HSPH1: variants seen among roughly 807,000 people sequenced by gnomAD.
The protein encoded by HSPH1 is heat shock protein family H (Hsp110) member 1, also known as heat shock protein 105 kDa.
In HSPH1, 40 loss-of-function variants were observed where a neutral mutation model predicts 100.0. The ratio of observed to expected loss-of-function variants is 0.40; its 90% CI spans 0.31 to 0.52. The LOEUF (loss-of-function observed/expected upper bound fraction) is 0.52. Among genes scored for constraint, HSPH1 ranks in the 20% least tolerant of loss-of-function variants. HSPH1 has a pLI of 0.54. For synonymous variants in HSPH1, 403 were observed against 344.0 expected (o/e 1.17, Z -1.90); for missense variants, 876 against 1,015.1 (o/e 0.86, Z 1.86).
Position 31,161,815 on chromosome 13 carries a change from C to G in HSPH1, c.-233G>C. The G allele has an allele frequency of 1.4e-6, 2 of 1,480,164 alleles. No individual in the cohort carries two copies. Among genetic ancestry groups the G allele is most frequent in the Non-Finnish European group, 1.8e-6 (2 of 1,116,756 alleles). The allele number at this position is 1,480,164 out of a possible 1,614,324, so 91.7% of individuals were successfully genotyped here. ...TAAGAAACCCTGGGAGAAAGCGGGGCTCAGCCTCCGCAGGTCGCTCCGCAC... is the reference window on the plus strand; with the variant it reads ...TAAGAAACCCTGGGAGAAAGCGGGGGTCAGCCTCCGCAGGTCGCTCCGCAC... On this transcript the variant is annotated 5_prime_UTR_variant, in exon 1 of 18. Transcript: ENST00000320027.
chr13:31,162,178 TA>T, upstream of HSPH1: 1 of 1,225,906 alleles, frequency 8.2e-7, no homozygotes, highest in African/African-American at 1.5e-5. Flanking sequence ...TTTGCTGCCC[TA>T]ATAAAACAGG....
At chr13:31,158,548 C>CAAA (rs11363658) in intron 2 of HSPH1, among the ~76,000 whole-genome samples, 44 of 63,818 alleles carry the variant, frequency 6.9e-4, no homozygotes, top group African/African-American at 1.1e-3. Flanking sequence ...GACTCTATCT[C>CAAA]AAAAAAAAAA....
intron 12 of HSPH1, among the ~76,000 whole-genome samples, chr13:31,143,384 G>C (rs2137559706): frequency 6.6e-6 from 1 of 152,178 alleles, no homozygotes; most frequent in African/African-American, 2.4e-5. Context: ...GATGGCTTGA[G>C]AGGAGAAAGT....
intron 1 of HSPH1, among the ~76,000 whole-genome samples, chr13:31,161,255 A>AC (rs1012981672): frequency 3.0e-4 from 46 of 151,906 alleles, no homozygotes; most frequent in African/African-American, 1.0e-3. Context: ...GACTCCTCTC[A>AC]CCCCCGTGAA....
rs1956537437 is a variant in HSPH1 at position 31,152,846 on chromosome 13, C to G, written c.529+6G>C. ...ATTCACTTCCACACAAATGCCTTTT[C>G]CTTACCAGCTGTCATGTCATTCATA... is the stretch of plus-strand genomic sequence containing the variant. On this transcript the variant is annotated splice_donor_region_variant and intron_variant, in intron 5 of 17. Coordinates refer to ENST00000320027, the MANE Select transcript of HSPH1 (RefSeq NM_006644.4). 3.1e-6 allele frequency: 5 copies of G among 1,591,698 alleles called. No individual in the cohort carries two copies. In the African/African-American group the frequency reaches 6.7e-5, roughly 21 times the overall value.
Position 31,148,040 on chromosome 13 carries a change from T to C in HSPH1, c.1297A>G (p.Thr433Ala), listed in dbSNP as rs1432440880. ...TCAAAAGGCCCCCTTCTCAGAAAGG[T>C]GAGAACTTTGGAGAAAGGAGCAGCA... ...NHAAPFSKVLTFLRRGPFELE... is the reference protein window; with the variant it reads ...NHAAPFSKVLAFLRRGPFELE... The change falls in exon 10 of 18, where the codon ACC (threonine) becomes GCC (alanine). Residue 433 changes from threonine to alanine, a missense_variant. Transcript: ENST00000320027. 1.9e-6 allele frequency: 3 copies of C among 1,610,948 alleles called. No homozygotes were observed. The highest frequency in any genetic ancestry group is 1.7e-5 in the Admixed American group (1 of 59,422).
intron 9 of HSPH1, 26 bp from the exon 10 acceptor site, chr13:31,148,118 A>G: frequency 6.3e-7 from 1 of 1,595,164 alleles, no homozygotes; most frequent in Non-Finnish European, 8.5e-7. Flanking sequence ...AAAGGCATTC[A>G]GCAGATGAAG....
Position 31,158,805 on chromosome 13 carries a change from C to A in HSPH1, c.165+1G>T. 1 of 1,596,034 alleles carries A rather than the reference C, an allele frequency of 6.3e-7. No homozygotes were observed. Among genetic ancestry groups the A allele is most frequent in the Non-Finnish European group, 8.6e-7 (1 of 1,163,688 alleles). ...GATCCGAATTCTCTTAAAGAACATA[C>A]CTGATTTTTGGCTGCAACTCCGATT... On this transcript the variant is annotated splice_donor_variant, in intron 2 of 17. Transcript: ENST00000320027. LOFTEE classifies it high-confidence loss of function.
chr13:31,149,145 TAAG>T (rs1956384370), intron 8 of HSPH1, among the ~76,000 whole-genome samples: 1 of 152,076 alleles, frequency 6.6e-6, no homozygotes, highest in Admixed American at 6.6e-5. Context: ...ATCAGTTAAT[TAAG>T]GAGGCATATT....
chr13:31,151,173 C>G lies in HSPH1; in HGVS notation c.682G>C (p.Asp228His). The G allele has an allele frequency of 6.2e-7, 1 of 1,611,156 alleles. No individual in the cohort carries two copies. The highest frequency in any genetic ancestry group is 1.7e-5 in the Admixed American group (1 of 59,762). ...AAGTTTTTTCCTCCTAAGAAAGGATCAAAAGCTGTTCCCAGTACCTAATTT... is the reference window on the plus strand; with the variant it reads ...AAGTTTTTTCCTCCTAAGAAAGGATGAAAAGCTGTTCCCAGTACCTAATTT... ...GKLKVLGTAF[D>H]PFLGGKNFDE... Residue 228 changes from aspartate to histidine, a missense_variant, in exon 7 of 18, where the codon GAT (aspartate) becomes CAT (histidine). Physicochemically the swap from Asp to His is moderately conservative, Grantham distance 81. Transcript: ENST00000320027.
chr13:31,158,422 G>C (rs552321822), intron 2 of HSPH1, among the ~76,000 whole-genome samples: 1 of 151,806 alleles, frequency 6.6e-6, no homozygotes, highest in Non-Finnish European at 1.5e-5. Context: ...GGTGACACGC[G>C]CCTGTAATCC....
In HSPH1 at chr13:31,151,743, C is replaced by A. The variant is rs1166966846; in HGVS notation, c.530-1G>T. ...TTATAAATTCCGTAATTCAAAGCAA[C>A]TACAAAAAATAAGTATGTTTCAATT... On this transcript the variant is annotated splice_acceptor_variant, in intron 5 of 17. Coordinates refer to ENST00000320027, the MANE Select transcript of HSPH1 (RefSeq NM_006644.4). LOFTEE classifies it high-confidence loss of function. 3 of 1,598,082 alleles carry A rather than the reference C, an allele frequency of 1.9e-6. No individual in the cohort carries two copies. Among genetic ancestry groups the A allele is most frequent in the Admixed American group, 3.6e-5 (2 of 55,738 alleles).
chr13:31,160,386 A>G (rs1956853909), intron 1 of HSPH1, among the ~76,000 whole-genome samples: 1 of 152,192 alleles, frequency 6.6e-6, no homozygotes, highest in African/African-American at 2.4e-5. Flanking sequence ...AACTTTCATA[A>G]ACGTTCTCAG....
chr13:31,161,829 G>GTCGCTCCGCACC lies in HSPH1; in HGVS notation c.-259_-248dup. The GTCGCTCCGCACC allele has an allele frequency of 6.8e-7, 1 of 1,477,160 alleles. No homozygotes were observed. The allele number at this position is 1,477,160 out of a possible 1,614,324, so 91.5% of individuals were successfully genotyped here. ...AGAAAGCGGGGCTCAGCCTCCGCAGGTCGCTCCGCACCTCGGGTTGCCTGC... is the reference window on the plus strand; with the variant it reads ...AGAAAGCGGGGCTCAGCCTCCGCAGGTCGCTCCGCACCTCGCTCCGCACCTCGGGTTGCCTGC... On this transcript the variant is annotated 5_prime_UTR_variant, in exon 1 of 18. Coordinates refer to ENST00000320027, the MANE Select transcript of HSPH1 (RefSeq NM_006644.4).
chr13:31,138,855 G>A lies in HSPH1; in HGVS notation c.2134C>T (p.Arg712Trp), dbSNP rs772129143. The A allele has an allele frequency of 7.5e-6, 12 of 1,609,802 alleles. No individual in the cohort carries two copies. The highest frequency in any genetic ancestry group is 2.2e-5 in the East Asian group (1 of 44,670). Residue 712 changes from arginine to tryptophan, a missense_variant, in exon 16 of 18, where the codon CGG (arginine) becomes TGG (tryptophan). Arg to Trp is a moderately radical substitution (Grantham distance 101). Transcript: ENST00000320027. ...CCTAGTTCTTCAAACATTTTTGGCCGTTCTTCAGCTTCCTGAAACCGAACT... is the reference window on the plus strand; with the variant it reads ...CCTAGTTCTTCAAACATTTTTGGCCATTCTTCAGCTTCCTGAAACCGAACT... ...VKVRFQEAEE[R>W]PKMFEELGQR...
chr13:31,139,097 T>C lies in HSPH1; in HGVS notation c.1991A>G (p.Asn664Ser). 4.4e-6 allele frequency: 7 copies of C among 1,605,280 alleles called. No homozygotes were observed. The highest frequency in any genetic ancestry group is 6.0e-6 in the Non-Finnish European group (7 of 1,172,218). Residue 664 changes from asparagine to serine, a missense_variant, in exon 15 of 18, where the codon AAT (asparagine) becomes AGT (serine). Physicochemically the swap from Asn to Ser is conservative, Grantham distance 46. Coordinates refer to ENST00000320027, the MANE Select transcript of HSPH1 (RefSeq NM_006644.4). Reference protein sequence around the residue: ...EKFICEQDHQNFLRLLTETED... With the variant: ...EKFICEQDHQSFLRLLTETED... ...AGTTTCTGTGAGGAGTCTCAAAAAA[T>C]TTTGATGATCCTTAACACAAAATAT...
In HSPH1 at chr13:31,151,990, G is replaced by A. The variant is rs146061933; in HGVS notation, c.530-248C>T. On this transcript the variant is annotated intron_variant, in intron 5 of 17. Transcript: ENST00000320027. ...AGATGTGCTAGACAAAACATATGGC[G>A]TGAATACAGTGAAACATAACCACGT... The A allele has an allele frequency of 1.5e-3, 555 of 378,158 alleles. 1 individual carries two copies. Among genetic ancestry groups the A allele is most frequent in the African/African-American group, 8.5e-3 (406 of 47,564 alleles). The allele number at this position is 378,158 out of a possible 1,614,324, so 23.4% of individuals were successfully genotyped here.
At chr13:31,162,050 T>C (rs1300794798), upstream of HSPH1, 3 of 1,536,142 alleles carry the variant, frequency 2.0e-6, no homozygotes, top group Admixed American at 2.0e-5. Context: ...GGAAAGATTC[T>C]ACCCAATGGG....
chr13:31,150,181 A>G lies in HSPH1; in HGVS notation c.910T>C (p.Ser304Pro). Reference sequence around the variant, plus strand: ...TCAGCACAGAGTTCTTCAAATTGTGACCTTAGCAAATAAAAACTTGTTTTT... The same window carrying G: ...TCAGCACAGAGTTCTTCAAATTGTGGCCTTAGCAAATAAAAACTTGTTTTT... ...DKDVSGKMNR[S>P]QFEELCAELL... Residue 304 changes from serine (S) to proline (P), a missense_variant and splice_region_variant, in exon 8 of 18, where the codon TCA (serine) becomes CCA (proline). Coordinates refer to ENST00000320027, the MANE Select transcript of HSPH1 (RefSeq NM_006644.4). The G allele has an allele frequency of 6.4e-7, 1 of 1,561,924 alleles. No individual in the cohort carries two copies. The highest frequency in any genetic ancestry group is 1.2e-5 in the South Asian group (1 of 84,224).
Sources: gnomAD v4.1 joint callset for allele counts (sites outside exome capture counted in the v4.1 genomes callset) on GRCh38, gnomAD v4.1.1 for gene constraint, MANE v1.5 for transcripts, NCBI Gene and HGNC (gene_info 2026-07-23, HGNC 2026-07-21) for gene names.